ZFYVE1: variants seen among roughly 807,000 people sequenced by gnomAD.
ZFYVE1 encodes the protein zinc finger FYVE domain-containing protein 1.
A neutral mutation model predicts 74.4 loss-of-function variants in ZFYVE1; 30 were observed. The ratio of observed to expected loss-of-function variants is 0.40; its 90% CI spans 0.30 to 0.55. The LOEUF (loss-of-function observed/expected upper bound fraction) is 0.55. Ranked by LOEUF, ZFYVE1 falls within the 20% of genes least tolerant of loss-of-function variation. ZFYVE1 has a pLI of 0.42. For missense variants in ZFYVE1, 703 were observed against 1,011.6 expected (o/e 0.69, Z 4.14); for synonymous variants, 335 against 385.1 (o/e 0.87, Z 1.52).
At position 72,977,884 on chromosome 14, in the gene ZFYVE1, C is replaced by A. The variant is rs372613065; in HGVS notation, c.1635+43G>T. ...TTTTCTATACACATGAAAAACTGAACGACACAAGATAAAGAAAAACAGAGA... is the reference window on the plus strand; with the variant it reads ...TTTTCTATACACATGAAAAACTGAAAGACACAAGATAAAGAAAAACAGAGA... On this transcript the variant is annotated intron_variant, in intron 8 of 11. Transcript: ENST00000556143. The A allele has an allele frequency of 1.9e-6, 3 of 1,592,032 alleles. No individual in the cohort carries two copies. The Admixed American group carries it at 5.1e-5, about 27-fold the overall frequency.
At chr14:72,993,405 A>G (rs11159002) in intron 3 of ZFYVE1, 48 bp from the exon 4 acceptor site, 281,368 of 1,470,442 alleles carry the variant, frequency 0.19, 10,580 homozygotes, top group East Asian at 0.37. Context: ...GACATTTAAA[A>G]AAAAAAAAAA....
intron 11 of ZFYVE1, among the ~76,000 whole-genome samples, chr14:72,972,488 A>G (rs1034519940): frequency 1.3e-5 from 2 of 152,116 alleles, no homozygotes; most frequent in African/African-American, 4.8e-5. Flanking sequence ...CAATTCCTAC[A>G]TCATCTACTC....
chr14:73,010,101 T>C (rs1894056916), intron 2 of ZFYVE1, among the ~76,000 whole-genome samples: 2 of 152,032 alleles, frequency 1.3e-5, no homozygotes, highest in Admixed American at 6.6e-5. Context: ...GAAATAGGGA[T>C]AATTGAACAA....
chr14:72,995,663 G>A (rs1893727226), intron 3 of ZFYVE1, among the ~76,000 whole-genome samples: 1 of 152,190 alleles, frequency 6.6e-6, no homozygotes, highest in Admixed American at 6.5e-5. Flanking sequence ...CTGAAAGTCA[G>A]CATTTGTCAC....
chr14:72,991,596 T>TG (rs1308712184), intron 4 of ZFYVE1, among the ~76,000 whole-genome samples: 3 of 128,126 alleles, frequency 2.3e-5, no homozygotes, highest in African/African-American at 7.8e-5. Flanking sequence ...AGTGATCAGA[T>TG]TTACAGCCCC....
At chr14:72,984,130 G>A (rs80189124) in intron 4 of ZFYVE1, among the ~76,000 whole-genome samples, 4,228 of 152,228 alleles carry the variant, frequency 0.028, 175 homozygotes, top group African/African-American at 0.094. Flanking sequence ...AACACCATCC[G>A]TCAGCCACGG....
chr14:73,003,189 G>C (rs899880768), intron 2 of ZFYVE1, among the ~76,000 whole-genome samples: 5 of 151,352 alleles, frequency 3.3e-5, no homozygotes, highest in African/African-American at 1.2e-4. Flanking sequence ...AGAGTAGCTG[G>C]TACTACAGGC....
In ZFYVE1 at chr14:72,970,452, A is replaced by G. The variant is rs1007794691; in HGVS notation, c.*430T>C. 11 of 189,728 alleles carry G rather than the reference A, an allele frequency of 5.8e-5. No homozygotes were observed. Among genetic ancestry groups the G allele is most frequent in the African/African-American group, 2.1e-4 (9 of 42,680 alleles). The allele number at this position is 189,728 out of a possible 1,614,324, so 11.8% of individuals were successfully genotyped here. Reference sequence around the variant, plus strand: ...TCCAAGAGCAGCAGAGGAAGGGGCCAGCCACGTGGTGGCCATGGACCTGGC... The same window carrying G: ...TCCAAGAGCAGCAGAGGAAGGGGCCGGCCACGTGGTGGCCATGGACCTGGC... On this transcript the variant is annotated 3_prime_UTR_variant, in exon 12 of 12. Coordinates refer to ENST00000556143, the MANE Select transcript of ZFYVE1 (RefSeq NM_021260.4).
At position 72,978,945 on chromosome 14, in the gene ZFYVE1, A is replaced by T; in HGVS notation, c.1335T>A (p.Asn445Lys). 6.2e-7 allele frequency: 1 copy of T among 1,613,950 alleles called. No homozygotes were observed. The change falls in exon 6 of 12, where the codon AAT becomes AAA. Residue 445 changes from asparagine to lysine, a missense_variant. Asn to Lys is a moderately conservative substitution (Grantham distance 94). This residue lies in a region of ZFYVE1 where 492 missense variants were observed against 790.0 expected (regional missense o/e 0.62). Transcript: ENST00000556143. Reference sequence around the variant, plus strand: ...CATGAGGCACTCCTTCCTTCCCATGATTCATGCTTTTCTTACATCCAACCC... The same window carrying T: ...CATGAGGCACTCCTTCCTTCCCATGTTTCATGCTTTTCTTACATCCAACCC... ...SCGVGCKKSM[N>K]HGKEGVPHEA...
chr14:73,006,612 C>A (rs1594856900), intron 2 of ZFYVE1, among the ~76,000 whole-genome samples: 1 of 152,028 alleles, frequency 6.6e-6, no homozygotes, highest in African/African-American at 2.4e-5. Context: ...TCCCTCTCTC[C>A]CTCCAATTCA....
intron 5 of ZFYVE1, among the ~76,000 whole-genome samples, chr14:72,981,132 A>ATG (rs1893320074): frequency 6.6e-6 from 1 of 151,940 alleles, no homozygotes; most frequent in Non-Finnish European, 1.5e-5. Context: ...TGATGCATAC[A>ATG]CAATTGAAGT....
chr14:72,999,500 T>C (rs1284981911), intron 2 of ZFYVE1, among the ~76,000 whole-genome samples: 1 of 151,864 alleles, frequency 6.6e-6, no homozygotes, highest in Non-Finnish European at 1.5e-5. Context: ...GGTGGGAAGA[T>C]GGCTCAAGCC....
intron 4 of ZFYVE1, among the ~76,000 whole-genome samples, chr14:72,985,941 T>C (rs190542878): frequency 6.6e-6 from 1 of 152,282 alleles, no homozygotes; most frequent in East Asian, 1.9e-4. Context: ...CCGCAGAGTT[T>C]TTCTTTTAAA....
rs1186990913 is a variant in ZFYVE1, at chr14:72,980,539, T to TAA, written c.1310+1249_1310+1250insTT. Among the ~76,000 whole-genome samples the TAA allele has an allele frequency of 1.5e-3, 147 of 94,882 alleles. 1 individual carries two copies. The highest frequency in any genetic ancestry group is 0.011 in the East Asian group (32 of 2,996). The allele number at this position is 94,882 out of a possible 152,430, so 62.2% of individuals were successfully genotyped here. ...CAGCATCACCTGAGAATTAATTAAT[T>TAA]TATTTATTTATTTATTTATTTATTT... On this transcript the variant is annotated intron_variant, in intron 5 of 11. Transcript: ENST00000556143.
chr14:72,994,019 A>G (rs1893685838), intron 3 of ZFYVE1, among the ~76,000 whole-genome samples: 1 of 148,464 alleles, frequency 6.7e-6, no homozygotes, highest in Non-Finnish European at 1.5e-5. Flanking sequence ...GTCTCAAAAA[A>G]AAAAAAAAAA....
At chr14:73,026,169 C>T (rs1894456770) in intron 1 of ZFYVE1, among the ~76,000 whole-genome samples, 1 of 149,400 alleles carries the variant, frequency 6.7e-6, no homozygotes, top group Non-Finnish European at 1.5e-5. Flanking sequence ...GGAGACAATT[C>T]CTCTACTTTG....
intron 8 of ZFYVE1, among the ~76,000 whole-genome samples, chr14:72,976,369 C>T (rs749778071): frequency 4.6e-4 from 70 of 152,078 alleles, no homozygotes; most frequent in Non-Finnish European, 8.7e-4. Context: ...GCTATAAGGC[C>T]ACGTTAAATC....
intron 2 of ZFYVE1, among the ~76,000 whole-genome samples, chr14:73,005,921 A>T (rs1467549339): frequency 6.6e-6 from 1 of 150,832 alleles, no homozygotes; most frequent in Non-Finnish European, 1.5e-5. Flanking sequence ...TAATCAAAAC[A>T]CATTTTTTTT....
chr14:73,016,336 C>T (rs1894201007), intron 2 of ZFYVE1, among the ~76,000 whole-genome samples: 1 of 151,900 alleles, frequency 6.6e-6, no homozygotes. Flanking sequence ...ACGGTGAAAC[C>T]CCGTCTCTAC....
Sources: allele counts gnomAD v4.1 joint callset (sites outside exome capture counted in the v4.1 genomes callset), GRCh38; gene constraint gnomAD v4.1.1; regional missense constraint gnomAD v4.1.1; transcripts MANE v1.5; gene names NCBI Gene and HGNC (gene_info 2026-07-23, HGNC 2026-07-21).